The following SLC8A1 variants were observed in gnomAD, a reference collection of about 807,000 sequenced individuals.
SLC8A1 encodes sodium/calcium exchanger 1.
In SLC8A1, 18 loss-of-function variants were observed where a neutral mutation model predicts 68.3. The ratio of observed to expected loss-of-function variants is 0.26; its 90% CI spans 0.18 to 0.39. The LOEUF (loss-of-function observed/expected upper bound fraction) is 0.39. SLC8A1 is among the 10% of genes least tolerant of loss of function. SLC8A1 has a pLI of 1.00. For synonymous variants in SLC8A1, 475 were observed against 415.5 expected, an observed-to-expected ratio of 1.14 and a Z score of -1.74; for missense variants, 985 against 1,156.7, an observed-to-expected ratio of 0.85 and a Z score of 2.15.
At chr2:40,260,169 C>G (rs187407225) in intron 2 of SLC8A1, among the ~76,000 whole-genome samples, 1 of 152,170 alleles carries the variant, frequency 6.6e-6, no homozygotes, top group African/African-American at 2.4e-5. Flanking sequence ...CCCTCCCCTC[C>G]TTTTTTCTCT....
At position 40,497,754 on chromosome 2, in the gene SLC8A1, G is replaced by A. The variant is rs2149932521; in HGVS notation, c.-25+14595C>T. On this transcript the variant is annotated intron_variant, in intron 1 of 7. Coordinates refer to the SLC8A1 transcript ENST00000402441. ...TACTAGCAATTGATAATAACTGGCA[G>A]AACTACAATTTCAAGGGTCTTTGGT... 2.0e-5 allele frequency among the ~76,000 whole-genome samples: 3 copies of A among 152,168 alleles called. No homozygotes were observed. The South Asian group carries it at 6.2e-4, about 31-fold the overall frequency.
chr2:40,302,940 T>G (rs536277562), intron 2 of SLC8A1, among the ~76,000 whole-genome samples: 4 of 152,140 alleles, frequency 2.6e-5, no homozygotes, highest in African/African-American at 9.7e-5. Context: ...ATTCTAAAAC[T>G]AGGCCACAGG....
intron 2 of SLC8A1, among the ~76,000 whole-genome samples, chr2:40,329,371 G>T (rs1291450125): frequency 6.6e-6 from 1 of 152,064 alleles, no homozygotes; most frequent in Non-Finnish European, 1.5e-5. Context: ...TCCCTTTCTG[G>T]AGGCCAAGTT....
intron 2 of SLC8A1, among the ~76,000 whole-genome samples, chr2:40,372,049 A>G (rs1559424121): frequency 6.6e-6 from 1 of 152,174 alleles, no homozygotes; most frequent in South Asian, 2.1e-4. Flanking sequence ...GCAAAGGCCA[A>G]GGATTTGAAA....
At chr2:40,418,340 AAT>A (rs1224972944) in intron 2 of SLC8A1, among the ~76,000 whole-genome samples, 1 of 152,004 alleles carries the variant, frequency 6.6e-6, no homozygotes, top group East Asian at 1.9e-4. Flanking sequence ...TACTTCCTAG[AAT>A]ATATCAGCTT....
chr2:40,448,023 A>T (rs1264751897), intron 1 of SLC8A1, among the ~76,000 whole-genome samples: 2 of 152,224 alleles, frequency 1.3e-5, no homozygotes, highest in African/African-American at 4.8e-5. Flanking sequence ...TGTAAATTTA[A>T]AACACCTACT....
chr2:40,125,988 G>C (rs2038004857), intron 7 of SLC8A1, among the ~76,000 whole-genome samples: 1 of 152,118 alleles, frequency 6.6e-6, no homozygotes, highest in African/African-American at 2.4e-5. Flanking sequence ...TTCTGAGGAG[G>C]AAGATGGGTG....
intron 1 of SLC8A1, among the ~76,000 whole-genome samples, chr2:40,440,291 T>C (rs186902925): frequency 2.0e-5 from 3 of 152,284 alleles, no homozygotes; most frequent in African/African-American, 4.8e-5. Context: ...TTATAATAGA[T>C]GTGAATTTAT....
intron 2 of SLC8A1, among the ~76,000 whole-genome samples, chr2:40,309,893 G>A (rs899411559): frequency 6.6e-6 from 1 of 152,086 alleles, no homozygotes; most frequent in Non-Finnish European, 1.5e-5. Context: ...ATATTCATAA[G>A]GTTGTGCAAC....
chr2:40,218,526 A>G (rs2057832605), intron 2 of SLC8A1, among the ~76,000 whole-genome samples: 1 of 152,164 alleles, frequency 6.6e-6, no homozygotes, highest in South Asian at 2.1e-4. Flanking sequence ...ATTACTTTTA[A>G]TATGGCCCAT....
At chr2:40,199,873 G>T (rs948579988) in intron 2 of SLC8A1, among the ~76,000 whole-genome samples, 1 of 151,340 alleles carries the variant, frequency 6.6e-6, no homozygotes, top group South Asian at 2.1e-4. Flanking sequence ...GCCATATTTG[G>T]CAAAGGCAAG....
intron 2 of SLC8A1, among the ~76,000 whole-genome samples, chr2:40,374,936 A>G (rs1183575360): frequency 6.6e-6 from 1 of 152,130 alleles, no homozygotes; most frequent in Non-Finnish European, 1.5e-5. Flanking sequence ...TTATATTTTC[A>G]TCTTCCTTAT....
chr2:40,103,269 T>A (rs974258583), exon 8 of SLC8A1: 1 of 152,198 alleles, frequency 6.6e-6, no homozygotes, highest in East Asian at 1.9e-4. Context: ...CCCATGGAAA[T>A]GTCTACATTC....
intron 2 of SLC8A1, among the ~76,000 whole-genome samples, chr2:40,312,247 T>G (rs1289300783): frequency 6.6e-6 from 1 of 152,168 alleles, no homozygotes; most frequent in Non-Finnish European, 1.5e-5. Context: ...TAATGGACTT[T>G]GAATCACCTT....
intron 3 of SLC8A1, among the ~76,000 whole-genome samples, chr2:40,177,388 A>C (rs533421254): frequency 1.3e-5 from 2 of 152,290 alleles, no homozygotes; most frequent in East Asian, 3.9e-4. Context: ...ATGAGGTATT[A>C]AGTCGTCTTT....
rs146307674 is a variant in SLC8A1, at chr2:40,313,070, A to G, written c.1808+115403T>C. Among the ~76,000 whole-genome samples the G allele has an allele frequency of 7.1e-3, 1,086 of 152,160 alleles. 5 individuals carry two copies. Among genetic ancestry groups the G allele is most frequent in the Non-Finnish European group, 0.011 (768 of 67,988 alleles). On this transcript the variant is annotated intron_variant, in intron 2 of 7. Coordinates refer to ENST00000406785, the Ensembl canonical transcript of SLC8A1. The stretch of plus-strand genomic sequence containing the variant: ...CATAATCAAGGTAATAAACGTATCC[A>G]TTACCCCCCAAAGTTCTCTTCTCTA...
At chr2:40,297,982 C>A (rs2070739984) in intron 2 of SLC8A1, among the ~76,000 whole-genome samples, 1 of 152,092 alleles carries the variant, frequency 6.6e-6, no homozygotes, top group South Asian at 2.1e-4. Context: ...TGCGTTCAAA[C>A]CGTTCTTCTG....
intron 2 of SLC8A1, among the ~76,000 whole-genome samples, chr2:40,422,835 T>C (rs948116330): frequency 6.6e-6 from 1 of 152,166 alleles, no homozygotes; most frequent in African/African-American, 2.4e-5. Flanking sequence ...CATAACCTTT[T>C]ATTTCAAATA....
chr2:40,437,361 G>A (rs1329986369), intron 1 of SLC8A1, among the ~76,000 whole-genome samples: 21 of 152,064 alleles, frequency 1.4e-4, no homozygotes, highest in Admixed American at 1.3e-3. Context: ...ACTCCTGCCT[G>A]ATGCCTTCCC....
Sources: allele counts gnomAD v4.1 joint callset (sites outside exome capture counted in the v4.1 genomes callset), GRCh38; gene constraint gnomAD v4.1.1; transcripts MANE v1.5; gene names NCBI Gene and HGNC (gene_info 2026-07-23, HGNC 2026-07-21).